The following PLEKHO2 variants were observed in gnomAD, a reference collection of about 807,000 sequenced individuals.
The protein encoded by PLEKHO2 is pleckstrin homology domain-containing family O member 2.
PLEKHO2 carries 20 observed loss-of-function variants against 32.7 expected under a neutral mutation model. The ratio of observed to expected loss-of-function variants is 0.61; its 90% CI spans 0.43 to 0.89. The LOEUF is 0.89. Ranked by LOEUF, PLEKHO2 falls within the 40% of genes least tolerant of loss-of-function variation. The pLI is 0.00. For missense variants in PLEKHO2, 568 were observed against 621.2 expected (o/e 0.91, Z 0.91); for synonymous variants, 247 against 246.3 (o/e 1.00, Z -0.03).
chr15:64,859,342 C>T (rs1015871327), intron 3 of PLEKHO2, among the ~76,000 whole-genome samples: 5 of 152,202 alleles, frequency 3.3e-5, no homozygotes, highest in Non-Finnish European at 7.3e-5. Context: ...AGGTCAGACA[C>T]CTGTAAGTGG....
At chr15:64,842,093 C>G in intron 1 of PLEKHO2, 65 bp downstream of exon 1, 1 of 1,217,040 alleles carries the variant, frequency 8.2e-7, no homozygotes, top group South Asian at 4.1e-5. Context: ...GATTGCGGTC[C>G]TGGGCTCAGG....
At chr15:64,856,015 G>T (rs1249418066) in intron 3 of PLEKHO2, among the ~76,000 whole-genome samples, 3 of 152,132 alleles carry the variant, frequency 2.0e-5, no homozygotes, top group Non-Finnish European at 4.4e-5. Flanking sequence ...AAGCAACCAA[G>T]ATAGCAGTGG....
At chr15:64,856,704 G>T (rs1387403525) in intron 3 of PLEKHO2, among the ~76,000 whole-genome samples, 1 of 152,166 alleles carries the variant, frequency 6.6e-6, no homozygotes, top group Non-Finnish European at 1.5e-5. Context: ...CAAGTGGTGG[G>T]TGCTGCGGAT....
chr15:64,863,604 G>A (rs375178267), intron 5 of PLEKHO2, among the ~76,000 whole-genome samples: 11 of 151,772 alleles, frequency 7.2e-5, no homozygotes, highest in African/African-American at 2.7e-4. Flanking sequence ...TGTCAGCCAG[G>A]TCCTGTGTAT....
rs915963174 is a variant in PLEKHO2, at chr15:64,860,124, G to C, written c.384+126G>C. On this transcript the variant is annotated intron_variant, in intron 4 of 5. Coordinates refer to ENST00000323544, the MANE Select transcript of PLEKHO2 (RefSeq NM_025201.5). Reference sequence around the variant, plus strand: ...GATTATGTCACTGCTATGGGGCATTGTTGTTACCTTCTATAGTCCTCACTA... The same window carrying C: ...GATTATGTCACTGCTATGGGGCATTCTTGTTACCTTCTATAGTCCTCACTA... 9.0e-6 allele frequency: 7 copies of C among 774,712 alleles called. No homozygotes were observed. In the African/African-American group the frequency reaches 1.2e-4, roughly 13 times the overall value. 48.0% of individuals were successfully genotyped at this position (774,712 alleles called of 1,614,324 possible). A position where few individuals can be genotyped will look rare whatever the true frequency, so the allele number is the denominator to read the frequency against.
intron 3 of PLEKHO2, among the ~76,000 whole-genome samples, chr15:64,859,420 C>T (rs1269845808): frequency 6.6e-6 from 1 of 152,200 alleles, no homozygotes; most frequent in Admixed American, 6.5e-5. Flanking sequence ...GTTTCCATGA[C>T]CTCACTCCTT....
intron 2 of PLEKHO2, among the ~76,000 whole-genome samples, chr15:64,853,463 T>C (rs980009155): frequency 2.0e-5 from 3 of 151,458 alleles, no homozygotes; most frequent in African/African-American, 7.3e-5. Context: ...TAATTTTTTT[T>C]TGTATTTTTT....
chr15:64,852,733 G>A (rs565688711), intron 2 of PLEKHO2, among the ~76,000 whole-genome samples: 2 of 151,964 alleles, frequency 1.3e-5, no homozygotes. Flanking sequence ...CGATTCTTCT[G>A]CCTCAGCCTC....
chr15:64,841,992 G>C lies in PLEKHO2; in HGVS notation c.-25G>C. 8.0e-7 allele frequency: 1 copy of C among 1,247,042 alleles called. No homozygotes were observed. Among genetic ancestry groups the C allele is most frequent in the Non-Finnish European group, 1.0e-6 (1 of 996,248 alleles). The allele number at this position is 1,247,042 out of a possible 1,614,324, so 77.2% of individuals were successfully genotyped here. On this transcript the variant is annotated 5_prime_UTR_variant, in exon 1 of 6. Coordinates refer to ENST00000323544, the MANE Select transcript of PLEKHO2 (RefSeq NM_025201.5). ...CGCGGCGCTGGAAGCGAGTGGCGGA[G>C]CGGCGGGACCTCGGCGGACTCGCCA...
intron 5 of PLEKHO2, 48 bp from the exon 6 acceptor site, chr15:64,864,851 A>C (rs186067810): frequency 2.0e-6 from 3 of 1,533,624 alleles, no homozygotes; most frequent in Non-Finnish European, 2.6e-6. Flanking sequence ...CACCTGACCC[A>C]ATGGCTAGTC....
intron 2 of PLEKHO2, among the ~76,000 whole-genome samples, 196 bp from the exon 3 acceptor site, chr15:64,854,725 G>A (rs1027433451): frequency 2.6e-5 from 4 of 152,208 alleles, no homozygotes; most frequent in Admixed American, 1.3e-4. Context: ...GGGGAGCCTT[G>A]TGGGCATCCC....
At chr15:64,858,906 C>T (rs188174224) in intron 3 of PLEKHO2, among the ~76,000 whole-genome samples, 2 of 152,252 alleles carry the variant, frequency 1.3e-5, no homozygotes, top group Non-Finnish European at 2.9e-5. Flanking sequence ...AACTCTATGC[C>T]CATTAAATAA....
rs77764243 is a variant in PLEKHO2 at position 64,867,071 on chromosome 15, C to T, written c.*1183C>T. On this transcript the variant is annotated 3_prime_UTR_variant, in exon 6 of 6. Transcript: ENST00000323544. ...GGCACATCCAGTCTCCATCGTGCTG[C>T]AGCAGCTGGACTGAGGGCAGAGCCT... The T allele has an allele frequency of 7.4e-3, 1,129 of 152,980 alleles. 18 individuals are homozygous for T. Among genetic ancestry groups the T allele is most frequent in the African/African-American group, 0.026 (1,070 of 41,552 alleles). 9.5% of individuals were successfully genotyped at this position (152,980 alleles called of 1,614,324 possible).
chr15:64,855,050 C>T lies in PLEKHO2; in HGVS notation c.279+13C>T, dbSNP rs2084597911. The T allele has an allele frequency of 6.4e-7, 1 of 1,559,862 alleles. No homozygotes were observed. The highest frequency in any genetic ancestry group is 1.3e-5 in the African/African-American group (1 of 74,150). ...CCCAGGGAACAAGGTAGGGCGATGC[C>T]TGCTGCTGCCCCATCTCCCTCTAGC... On this transcript the variant is annotated intron_variant, in intron 3 of 5. Coordinates refer to ENST00000323544, the MANE Select transcript of PLEKHO2 (RefSeq NM_025201.5).
intron 5 of PLEKHO2, among the ~76,000 whole-genome samples, chr15:64,863,741 G>A (rs1391755898): frequency 9.7e-6 from 1 of 102,670 alleles, no homozygotes; most frequent in East Asian, 4.1e-4. Context: ...GACAGTGCGA[G>A]ACCCCCTTTT....
At chr15:64,855,217 C>G (rs141541706) in intron 3 of PLEKHO2, among the ~76,000 whole-genome samples, 180 bp downstream of exon 3, 1,542 of 152,342 alleles carry the variant, frequency 0.01, 23 homozygotes, top group Middle Eastern at 0.041. Context: ...TCGGAATCTT[C>G]CAAGCCCCTA....
chr15:64,853,425 C>T (rs560326811), intron 2 of PLEKHO2, among the ~76,000 whole-genome samples: 9 of 151,358 alleles, frequency 5.9e-5, no homozygotes, highest in Non-Finnish European at 8.8e-5. Flanking sequence ...TACAGGTGCC[C>T]GCCACCACGC....
intron 1 of PLEKHO2, among the ~76,000 whole-genome samples, chr15:64,844,187 C>T (rs903792143): frequency 6.6e-6 from 1 of 152,232 alleles, no homozygotes; most frequent in African/African-American, 2.4e-5. Context: ...TTTCAGCCCT[C>T]CTGCTAGCTT....
intron 3 of PLEKHO2, among the ~76,000 whole-genome samples, chr15:64,857,601 C>T (rs2084613805): frequency 6.6e-6 from 1 of 152,180 alleles, no homozygotes; most frequent in Non-Finnish European, 1.5e-5. Context: ...TTGTGGAATG[C>T]CTGGCTCGTT....
Sources: gnomAD v4.1 joint callset for allele counts (sites outside exome capture counted in the v4.1 genomes callset) on GRCh38, gnomAD v4.1.1 for gene constraint, MANE v1.5 for transcripts, NCBI Gene and HGNC (gene_info 2026-07-23, HGNC 2026-07-21) for gene names.